The following EIF2AK2 variants were observed in gnomAD, a reference collection of about 807,000 sequenced individuals.
EIF2AK2 encodes eukaryotic translation initiation factor 2 alpha kinase 2.
Under a neutral mutation model 70.5 loss-of-function variants are expected in EIF2AK2, and 40 were observed. The observed-to-expected ratio is 0.57, with a 90% CI of 0.44 to 0.74. The LOEUF (loss-of-function observed/expected upper bound fraction) is 0.74. Ranked by LOEUF, EIF2AK2 falls within the 30% of genes least tolerant of loss-of-function variation. The pLI is 0.00. For synonymous variants in EIF2AK2, 198 were observed against 220.9 expected (o/e 0.90, Z 0.92); for missense variants, 555 against 644.3 (o/e 0.86, Z 1.50).
chr2:37,143,463 C>G (rs981382863), intron 4 of EIF2AK2, among the ~76,000 whole-genome samples: 4 of 152,086 alleles, frequency 2.6e-5, no homozygotes, highest in African/African-American at 9.7e-5. Flanking sequence ...GCTATATCCA[C>G]GGGTTTCAAA....
chr2:37,128,050 T>C (rs999143789), intron 10 of EIF2AK2, among the ~76,000 whole-genome samples: 1 of 152,112 alleles, frequency 6.6e-6, no homozygotes, highest in African/African-American at 2.4e-5. Context: ...CCTGTTCATG[T>C]AATTATTTAT....
intron 12 of EIF2AK2, among the ~76,000 whole-genome samples, chr2:37,121,587 A>G (rs1319111874): frequency 6.6e-6 from 1 of 151,952 alleles, no homozygotes; most frequent in Admixed American, 6.6e-5. Context: ...AGTGCCAACA[A>G]ATTACTAAGA....
At chr2:37,143,463 C>A (rs981382863) in intron 4 of EIF2AK2, among the ~76,000 whole-genome samples, 1 of 152,086 alleles carries the variant, frequency 6.6e-6, no homozygotes, top group Non-Finnish European at 1.5e-5. Flanking sequence ...GCTATATCCA[C>A]GGGTTTCAAA....
At chr2:37,150,192 C>T (rs915422385) in intron 1 of EIF2AK2, among the ~76,000 whole-genome samples, 1 of 144,544 alleles carries the variant, frequency 6.9e-6, no homozygotes, top group Non-Finnish European at 1.5e-5. Flanking sequence ...AATGTGAATA[C>T]AGAAATACTT....
intron 1 of EIF2AK2, chr2:37,149,393 G>T (rs1023291202): frequency 2.3e-5 from 12 of 522,546 alleles, no homozygotes; most frequent in Non-Finnish European, 3.7e-5. Flanking sequence ...ATTGTCAAAT[G>T]ACAAAGATTT....
chr2:37,130,625 T>C (rs1674907106), intron 10 of EIF2AK2, among the ~76,000 whole-genome samples: 1 of 152,172 alleles, frequency 6.6e-6, no homozygotes, highest in Non-Finnish European at 1.5e-5. Context: ...TTTTATATTA[T>C]CCCTCTATCT....
rs1268940078 is a variant in EIF2AK2 at position 37,141,677 on chromosome 2, T to C, written c.265A>G (p.Thr89Ala). The C allele has an allele frequency of 6.2e-7, 1 of 1,613,226 alleles. No homozygotes were observed. Among genetic ancestry groups the C allele is most frequent in the Non-Finnish European group, 8.5e-7 (1 of 1,179,820 alleles). ...GATAATCCTTCTGAAGAATTCGTTG[T>C]TGTCAATAATAAAGGACTAACTGCC... ...KKAVSPLLLT[T>A]TNSSEGLSMG... Residue 89 changes from threonine (T) to alanine (A), a missense_variant, in exon 5 of 17, where the codon ACA (threonine) becomes GCA (alanine). Thr to Ala is a moderately conservative substitution (Grantham distance 58). Around this residue, in one of 3 missense-constraint regions of EIF2AK2, gnomAD observed 208 missense variants for 191.8 expected, o/e 1.08. Coordinates refer to ENST00000233057, the MANE Select transcript of EIF2AK2 (RefSeq NM_001135651.3).
At chr2:37,118,849 G>T (rs1463274082) in intron 13 of EIF2AK2, among the ~76,000 whole-genome samples, 1 of 152,188 alleles carries the variant, frequency 6.6e-6, no homozygotes, top group Non-Finnish European at 1.5e-5. Context: ...TTTCTCTCAA[G>T]GAATTTTTTT....
In EIF2AK2 at chr2:37,107,161, A is replaced by T; in HGVS notation, c.*112T>A. ...GAAAGATTAGTAAAAATAGTAAAAAATTAAAGGAAACATTAAAATAAAAGG... is the reference window on the plus strand; with the variant it reads ...GAAAGATTAGTAAAAATAGTAAAAATTTAAAGGAAACATTAAAATAAAAGG... On this transcript the variant is annotated 3_prime_UTR_variant, in exon 17 of 17. Transcript: ENST00000233057. 2 of 1,303,062 alleles carry T rather than the reference A, an allele frequency of 1.5e-6. No individual in the cohort carries two copies. The highest frequency in any genetic ancestry group is 4.1e-4 in the Middle Eastern group (2 of 4,864). The allele number at this position is 1,303,062 out of a possible 1,614,324, so 80.7% of individuals were successfully genotyped here.
At position 37,106,426 on chromosome 2, in the gene EIF2AK2, G is replaced by A. The variant is rs1294248319; in HGVS notation, c.*847C>T. ...TTGATGTGCATTATGGTTGTTCCCT[G>A]TTCTTTTGGCTATTATAAACAGGGT... On this transcript the variant is annotated 3_prime_UTR_variant, in exon 17 of 17. Coordinates refer to ENST00000233057, the MANE Select transcript of EIF2AK2 (RefSeq NM_001135651.3). The A allele has an allele frequency of 1.3e-5, 2 of 151,872 alleles. No homozygotes were observed. Among genetic ancestry groups the A allele is most frequent in the Non-Finnish European group, 2.9e-5 (2 of 67,982 alleles). The allele number at this position is 151,872 out of a possible 1,614,324, so 9.4% of individuals were successfully genotyped here.
chr2:37,143,701 T>C (rs1280948338), intron 4 of EIF2AK2, among the ~76,000 whole-genome samples: 8 of 151,876 alleles, frequency 5.3e-5, no homozygotes, highest in Admixed American at 4.6e-4. Context: ...CTGGGCAACA[T>C]AGTGAGACTC....
chr2:37,146,342 T>C (rs1675538709), intron 4 of EIF2AK2, among the ~76,000 whole-genome samples: 1 of 152,182 alleles, frequency 6.6e-6, no homozygotes, highest in South Asian at 2.1e-4. Flanking sequence ...TAACTGTATA[T>C]GGGAAGATGT....
chr2:37,121,700 T>C (rs1674560780), intron 12 of EIF2AK2, among the ~76,000 whole-genome samples: 1 of 151,848 alleles, frequency 6.6e-6, no homozygotes, highest in African/African-American at 2.4e-5. Flanking sequence ...ATATTCTTTG[T>C]ATATATGTCA....
At chr2:37,155,046 C>T (rs1171592379) in intron 1 of EIF2AK2, among the ~76,000 whole-genome samples, 2 of 152,044 alleles carry the variant, frequency 1.3e-5, no homozygotes, top group Non-Finnish European at 2.9e-5. Context: ...GACTCACTCC[C>T]CTGGTGATCA....
chr2:37,129,067 G>GA (rs930045820), intron 10 of EIF2AK2, among the ~76,000 whole-genome samples: 2 of 151,510 alleles, frequency 1.3e-5, no homozygotes, highest in African/African-American at 2.4e-5. Context: ...CAGATATTCG[G>GA]AAAAAATTAC....
At chr2:37,147,856 T>C in intron 2 of EIF2AK2, 34 bp from the exon 3 acceptor site, 1 of 1,423,654 alleles carries the variant, frequency 7.0e-7, no homozygotes, top group Non-Finnish European at 9.9e-7. Context: ...TGAGTGATGC[T>C]CACAGAACAT....
chr2:37,109,314 A>G lies in EIF2AK2; in HGVS notation c.1378-19T>C. 2 of 1,605,650 alleles carry G rather than the reference A, an allele frequency of 1.2e-6. No homozygotes were observed. Among genetic ancestry groups the G allele is most frequent in the Non-Finnish European group, 1.7e-6 (2 of 1,174,106 alleles). On this transcript the variant is annotated intron_variant, in intron 14 of 16. Transcript: ENST00000233057. Reference sequence around the variant, plus strand: ...AAGAAATCTAAAGAGACCAAAATAGATTTACCTTTGTTATGCTCCTTACAT... The same window carrying G: ...AAGAAATCTAAAGAGACCAAAATAGGTTTACCTTTGTTATGCTCCTTACAT...
At chr2:37,109,462 C>T (rs928401672) in intron 14 of EIF2AK2, 167 bp from the exon 15 acceptor site, 13 of 563,292 alleles carry the variant, frequency 2.3e-5, no homozygotes, top group African/African-American at 7.6e-5. Flanking sequence ...TCTGTACCGC[C>T]GAATAGCTGA....
chr2:37,107,665 G>T (rs1290800710), intron 15 of EIF2AK2, 138 bp from the exon 16 acceptor site: 18 of 863,624 alleles, frequency 2.1e-5, no homozygotes, highest in Non-Finnish European at 3.0e-5. Context: ...GAAGCAAGCA[G>T]GATTCCCTCT....
Sources: gnomAD v4.1 joint callset for allele counts (sites outside exome capture counted in the v4.1 genomes callset) on GRCh38, gnomAD v4.1.1 for gene constraint, gnomAD v4.1.1 regional missense constraint, MANE v1.5 for transcripts, NCBI Gene and HGNC (gene_info 2026-07-23, HGNC 2026-07-21) for gene names.